The following ZBTB7C variants were observed in gnomAD, a reference collection of about 807,000 sequenced individuals.
ZBTB7C encodes zinc finger and BTB domain containing 7C, also known as zinc finger and BTB domain-containing protein 7C.
In ZBTB7C, 8 loss-of-function variants were observed where a neutral mutation model predicts 25.7. The observed-to-expected ratio is 0.31, with a 90% CI of 0.18 to 0.56. ZBTB7C has a LOEUF of 0.56. Among genes scored for constraint, ZBTB7C ranks in the 20% least tolerant of loss-of-function variants. ZBTB7C has a pLI of 0.91. For missense variants in ZBTB7C, 824 were observed against 855.2 expected, an observed-to-expected ratio of 0.96 and a Z score of 0.46; for synonymous variants, 394 against 369.0, an observed-to-expected ratio of 1.07 and a Z score of -0.78.
intron 3 of ZBTB7C, among the ~76,000 whole-genome samples, chr18:48,073,665 C>T (rs1002035039): frequency 6.6e-6 from 1 of 152,200 alleles, no homozygotes; most frequent in Admixed American, 6.5e-5. Flanking sequence ...CCTCTCCCCC[C>T]ACCCAAGAAG....
chr18:48,317,337 A>T (rs1022247459), intron 2 of ZBTB7C, among the ~76,000 whole-genome samples: 1 of 151,890 alleles, frequency 6.6e-6, no homozygotes, highest in African/African-American at 2.4e-5. Context: ...GCTCCTAGAC[A>T]GACATCACAG....
At chr18:48,350,677 CT>C (rs2046844478) in intron 1 of ZBTB7C, 1 of 26,246 alleles carries the variant, frequency 3.8e-5, no homozygotes, top group African/African-American at 1.0e-4. Context: ...CCTTCCACCC[CT>C]GTCGCCCACC....
intron 3 of ZBTB7C, among the ~76,000 whole-genome samples, chr18:48,154,718 G>A (rs2040781991): frequency 6.6e-6 from 1 of 152,132 alleles, no homozygotes; most frequent in South Asian, 2.1e-4. Flanking sequence ...TTTATAGTGA[G>A]CATCATCCCA....
chr18:48,182,958 G>T (rs1014139376), intron 3 of ZBTB7C, among the ~76,000 whole-genome samples: 3 of 151,984 alleles, frequency 2.0e-5, no homozygotes, highest in Non-Finnish European at 4.4e-5. Flanking sequence ...TAAATTTTAT[G>T]TATAATTTGC....
At chr18:48,131,007 G>A (rs557558763) in intron 3 of ZBTB7C, among the ~76,000 whole-genome samples, 1 of 152,270 alleles carries the variant, frequency 6.6e-6, no homozygotes, top group South Asian at 2.1e-4. Flanking sequence ...GGGTTCAAGC[G>A]ATTCTCCTGC....
At chr18:48,410,834 G>A (rs1444043613), upstream of ZBTB7C, 3 of 152,228 alleles carry the variant, frequency 2.0e-5, no homozygotes, top group African/African-American at 7.2e-5. Flanking sequence ...ACTCCTACCC[G>A]GCTGCGCTTA....
intron 3 of ZBTB7C, among the ~76,000 whole-genome samples, chr18:48,138,496 A>T (rs1423092545): frequency 6.6e-6 from 1 of 152,184 alleles, no homozygotes; most frequent in Non-Finnish European, 1.5e-5. Flanking sequence ...AGGCATTTCC[A>T]CAATAGACTA....
At chr18:48,407,996 C>T (rs567884068) in intron 1 of ZBTB7C, among the ~76,000 whole-genome samples, 2 of 152,314 alleles carry the variant, frequency 1.3e-5, no homozygotes, top group East Asian at 1.9e-4. Flanking sequence ...AGCCTCTCTC[C>T]CAGGTCTGGG....
At chr18:48,032,541 TCTC>T (rs2035807567) in intron 4 of ZBTB7C, among the ~76,000 whole-genome samples, 1 of 146,038 alleles carries the variant, frequency 6.8e-6, no homozygotes, top group African/African-American at 2.5e-5. Context: ...TTCACACAAT[TCTC>T]CTGCCTCAGC....
At chr18:48,403,895 T>C (rs1057470304) in intron 1 of ZBTB7C, among the ~76,000 whole-genome samples, 2 of 152,098 alleles carry the variant, frequency 1.3e-5, no homozygotes, top group Admixed American at 1.3e-4. Context: ...CTATTTGGTA[T>C]GTTAAATTAT....
rs539487347 is a variant in ZBTB7C, at chr18:48,393,129, G to T, written c.-304+16097C>A. On this transcript the variant is annotated intron_variant, in intron 1 of 4. Coordinates refer to ENST00000590800, the MANE Select transcript of ZBTB7C (RefSeq NM_001318841.2). Reference sequence around the variant, plus strand: ...GGCATTTGTGAACTCTTAATAACCAGGGAGGAAATGTTGTTTATCCAAGCC... The same window carrying T: ...GGCATTTGTGAACTCTTAATAACCATGGAGGAAATGTTGTTTATCCAAGCC... Among the ~76,000 whole-genome samples the T allele has an allele frequency of 5.5e-4, 83 of 152,286 alleles. 1 individual carries two copies. In the South Asian group the frequency reaches 7.5e-3, roughly 14 times the overall value.
At chr18:48,097,387 T>TATTATTATTATC (rs2038674619) in intron 3 of ZBTB7C, among the ~76,000 whole-genome samples, 1 of 97,552 alleles carries the variant, frequency 1.0e-5, no homozygotes, top group African/African-American at 3.3e-5. Flanking sequence ...TTGTTGTTAT[T>TATTATTATTATC]ATTATTATTA....
rs138419188 is a variant in ZBTB7C at position 48,113,986 on chromosome 18, G to A, written c.-17+71948C>T. Among the ~76,000 whole-genome samples, 899 of 152,312 alleles carry A rather than the reference G, an allele frequency of 5.9e-3. 6 individuals carry two copies. Among genetic ancestry groups the A allele is most frequent in the Middle Eastern group, 0.027 (8 of 294 alleles). ...AAATAGGAGGGTGGTGGTGTCCCAT[G>A]AAAGGCCCTTTCACTTTTGAGGTCC... On this transcript the variant is annotated intron_variant, in intron 3 of 4. Transcript: ENST00000590800.
At chr18:48,271,631 AC>A (rs2044488667) in intron 2 of ZBTB7C, among the ~76,000 whole-genome samples, 1 of 150,226 alleles carries the variant, frequency 6.7e-6, no homozygotes, top group South Asian at 2.1e-4. Context: ...TTTATCAACT[AC>A]AATTTTCCAT....
intron 3 of ZBTB7C, chr18:48,185,344 C>G (rs1371881887): frequency 2.2e-6 from 1 of 449,208 alleles, no homozygotes; most frequent in East Asian, 7.3e-5. Context: ...AGTTCTTTGT[C>G]TCATATGCAG....
chr18:48,400,742 T>C (rs2048139131), intron 1 of ZBTB7C, among the ~76,000 whole-genome samples: 1 of 152,208 alleles, frequency 6.6e-6, no homozygotes, highest in Non-Finnish European at 1.5e-5. Flanking sequence ...ATAAAATATA[T>C]GATTGAAGTT....
Position 48,029,514 on chromosome 18 carries a change from C to T in ZBTB7C, c.1606G>A (p.Ala536Thr). 1 of 1,583,944 alleles carries T rather than the reference C, an allele frequency of 6.3e-7. No homozygotes were observed. Among genetic ancestry groups the T allele is most frequent in the Non-Finnish European group, 8.5e-7 (1 of 1,172,440 alleles). ...PGPSPAKHFL[A>T]APKGALSLQE... The stretch of plus-strand genomic sequence containing the variant: ...AGGCTCAGGGCGCCCTTGGGCGCTG[C>T]CAGGAAGTGCTTGGCGGGGCTGGGG... Residue 536 changes from alanine to threonine, a missense_variant, in exon 5 of 5, where the codon GCA becomes ACA. This residue lies in a region of ZBTB7C where 342 missense variants were observed against 307.0 expected (regional missense o/e 1.11). Transcript: ENST00000590800.
intron 2 of ZBTB7C, among the ~76,000 whole-genome samples, chr18:48,188,691 T>G (rs2145146007): frequency 6.6e-6 from 1 of 152,288 alleles, no homozygotes; most frequent in East Asian, 1.9e-4. Flanking sequence ...ACCATCACCT[T>G]CCAGAACTCA....
intron 3 of ZBTB7C, among the ~76,000 whole-genome samples, chr18:48,069,689 C>G (rs2037470667): frequency 1.3e-5 from 2 of 152,050 alleles, no homozygotes; most frequent in Non-Finnish European, 2.9e-5. Context: ...AATCTTAGAC[C>G]CTGTTCCTTC....
Sources: gnomAD v4.1 joint callset for allele counts (sites outside exome capture counted in the v4.1 genomes callset) on GRCh38, gnomAD v4.1.1 for gene constraint, gnomAD v4.1.1 regional missense constraint, MANE v1.5 for transcripts, NCBI Gene and HGNC (gene_info 2026-07-23, HGNC 2026-07-21) for gene names.